The following DPRX variants were observed in gnomAD, a reference collection of about 807,000 sequenced individuals.
The protein encoded by DPRX is divergent-paired related homeobox.
A neutral mutation model predicts 8.4 loss-of-function variants in DPRX; 11 were observed. The ratio of observed to expected loss-of-function variants is 1.31; its 90% CI spans 0.82 to 2.17. The LOEUF is 2.17. DPRX is among the 30% of genes most tolerant of loss of function. The pLI, the probability that DPRX is intolerant of heterozygous loss-of-function variation, is 0.00. For missense variants in DPRX, 211 were observed against 236.7 expected (o/e 0.89, Z 0.71); for synonymous variants, 72 against 87.0 (o/e 0.83, Z 0.96).
the DPRX span, among the ~76,000 whole-genome samples, chr19:53,621,883 CAATAT>C: frequency 6.6e-6 from 1 of 152,128 alleles, no homozygotes; most frequent in East Asian, 1.9e-4. Flanking sequence ...ATTTTCAATA[CAATAT>C]GTTTACCAGA....
chr19:53,625,890 A>G, the DPRX span, among the ~76,000 whole-genome samples: 1 of 149,352 alleles, frequency 6.7e-6, no homozygotes, highest in Middle Eastern at 3.6e-3. Flanking sequence ...TGCCTGCCTC[A>G]GCCTCCCATA....
the DPRX span, among the ~76,000 whole-genome samples, chr19:53,617,482 C>T: frequency 7.5e-5 from 11 of 147,160 alleles, no homozygotes; most frequent in Non-Finnish European, 1.3e-4. Flanking sequence ...TGCTTGAACC[C>T]GGGAGGCAGA....
chr19:53,601,289 G>A, the DPRX span: 1 of 456,390 alleles, frequency 2.2e-6, no homozygotes, highest in East Asian at 7.0e-5. Flanking sequence ...ACTCCACATT[G>A]GGCCCAGGTC....
At chr19:53,612,965 G>C in the DPRX span, among the ~76,000 whole-genome samples, 3 of 151,986 alleles carry the variant, frequency 2.0e-5, no homozygotes, top group Non-Finnish European at 4.4e-5. Context: ...AAACAAGATA[G>C]GACAGGAATT....
At chr19:53,615,563 G>A in the DPRX span, among the ~76,000 whole-genome samples, 1,683 of 152,192 alleles carry the variant, frequency 0.011, 35 homozygotes, top group African/African-American at 0.038. Flanking sequence ...TTACAGGTGC[G>A]AGCCACTGTG....
At chr19:53,603,238 G>C in the DPRX span, 3 of 434,426 alleles carry the variant, frequency 6.9e-6, no homozygotes, top group Non-Finnish European at 1.4e-5. Context: ...TACTAAGAAG[G>C]GCCACCACAT....
the DPRX span, chr19:53,616,885 C>T: frequency 6.5e-7 from 1 of 1,547,006 alleles, no homozygotes; most frequent in South Asian, 1.1e-5. Flanking sequence ...GCTGCACATG[C>T]CGTTGGCCAT....
At chr19:53,609,972 A>G in the DPRX span, among the ~76,000 whole-genome samples, 17 of 150,336 alleles carry the variant, frequency 1.1e-4, no homozygotes, top group Non-Finnish European at 2.1e-4. Context: ...GCAACAGAGC[A>G]AGACTCCATC....
At chr19:53,620,277 G>T in the DPRX span, among the ~76,000 whole-genome samples, 7 of 152,042 alleles carry the variant, frequency 4.6e-5, no homozygotes, top group South Asian at 4.1e-4. Context: ...CACCATGTTA[G>T]CCAGGATGGT....
the DPRX span, chr19:53,602,263 TATGG>T: frequency 2.7e-6 from 1 of 367,872 alleles, no homozygotes; most frequent in African/African-American, 2.5e-5. Context: ...TATATATGGG[TATGG>T]GTGTGTGTGT....
the DPRX span, among the ~76,000 whole-genome samples, chr19:53,626,070 G>A: frequency 6.6e-6 from 1 of 151,868 alleles, no homozygotes; most frequent in Admixed American, 6.6e-5. Context: ...CTGAGTAACA[G>A]GGACTACAGG....
upstream of DPRX, among the ~76,000 whole-genome samples, chr19:53,631,843 C>T (rs2091093905): frequency 6.6e-6 from 1 of 152,014 alleles, no homozygotes. Context: ...TTAACAACTC[C>T]CAGGAGTGTT....
At chr19:53,626,191 G>A in the DPRX span, among the ~76,000 whole-genome samples, 210 of 152,206 alleles carry the variant, frequency 1.4e-3, no homozygotes, top group African/African-American at 4.9e-3. Context: ...ACCAGCCTTG[G>A]CTTCCCAAAA....
At chr19:53,602,278 GTGTGTGTGT>G in the DPRX span, 1 of 220,494 alleles carries the variant, frequency 4.5e-6, no homozygotes, top group Non-Finnish European at 9.2e-6. Context: ...GTGTGTGTGT[GTGTGTGTGT>G]GTGTGTGTGT....
chr19:53,629,273 G>C (rs1226507553), upstream of DPRX, among the ~76,000 whole-genome samples: 2 of 144,772 alleles, frequency 1.4e-5, no homozygotes. Flanking sequence ...CTGAGATCCT[G>C]CCACTGCACT....
the DPRX span, among the ~76,000 whole-genome samples, chr19:53,604,824 C>T: frequency 7.3e-6 from 1 of 136,342 alleles, no homozygotes; most frequent in Non-Finnish European, 1.5e-5. Flanking sequence ...GCCTGGGCTA[C>T]AGAGCGAGAC....
chr19:53,623,437 G>A, the DPRX span, among the ~76,000 whole-genome samples: 1 of 151,876 alleles, frequency 6.6e-6, no homozygotes, highest in South Asian at 2.1e-4. Context: ...TTGGGAGTTT[G>A]AGACCAGCCT....
At chr19:53,605,841 T>A in the DPRX span, among the ~76,000 whole-genome samples, 194 of 151,732 alleles carry the variant, frequency 1.3e-3, 1 homozygote, top group African/African-American at 1.9e-3. Flanking sequence ...ACTTTTTTTT[T>A]AATTTTTGTT....
chr19:53,609,762 G>A, the DPRX span, among the ~76,000 whole-genome samples: 91,808 of 150,940 alleles, frequency 0.61, 28,296 homozygotes, highest in Admixed American at 0.7. Flanking sequence ...AGGCGGGCAG[G>A]TCACCTGAAG....
Sources: gnomAD v4.1 joint callset for allele counts (sites outside exome capture counted in the v4.1 genomes callset) on GRCh38, gnomAD v4.1.1 for gene constraint, MANE v1.5 for transcripts, NCBI Gene and HGNC (gene_info 2026-07-23, HGNC 2026-07-21) for gene names.